EIF4G3: variants seen among roughly 807,000 people sequenced by gnomAD.
The protein encoded by EIF4G3 is eIF-4-gamma 3.
A neutral mutation model predicts 186.4 loss-of-function variants in EIF4G3; 34 were observed. That is an observed-to-expected ratio of 0.18 (90% CI 0.14 to 0.24). The LOEUF (loss-of-function observed/expected upper bound fraction) is 0.24, where lower values mean the gene tolerates loss of function less well. Among genes scored for constraint, EIF4G3 ranks in the 10% least tolerant of loss-of-function variants. The probability of loss-of-function intolerance (pLI) is 1.00; values close to 1 mark genes in which losing one functional copy is unlikely to be tolerated. For synonymous variants in EIF4G3, 673 were observed against 679.5 expected (o/e 0.99, Z 0.15); for missense variants, 1,536 against 1,948.5 (o/e 0.79, Z 3.99).
chr1:20,823,275 A>G (rs1470618496), intron 33 of EIF4G3, among the ~76,000 whole-genome samples: 1 of 152,168 alleles, frequency 6.6e-6, no homozygotes, highest in Non-Finnish European at 1.5e-5. Flanking sequence ...CTCCAATTAG[A>G]TAGGTTAGAT....
At chr1:20,877,888 G>T (rs191110873) in intron 20 of EIF4G3, among the ~76,000 whole-genome samples, 72 of 152,244 alleles carry the variant, frequency 4.7e-4, no homozygotes, top group Middle Eastern at 3.4e-3. Context: ...TTGTCGCCCA[G>T]GCTGGAGTGT....
chr1:20,945,251 G>A (rs2095886522), intron 13 of EIF4G3, among the ~76,000 whole-genome samples: 1 of 151,938 alleles, frequency 6.6e-6, no homozygotes, highest in South Asian at 2.1e-4. Context: ...TAATAATCAT[G>A]AAAGGGTTAG....
chr1:21,043,025 G>A (rs867355436), intron 4 of EIF4G3, among the ~76,000 whole-genome samples: 1 of 152,136 alleles, frequency 6.6e-6, no homozygotes, highest in African/African-American at 2.4e-5. Context: ...CCAAATCTGT[G>A]GGAAATAAAT....
At chr1:21,082,307 G>A (rs1417755756) in intron 3 of EIF4G3, among the ~76,000 whole-genome samples, 1 of 151,698 alleles carries the variant, frequency 6.6e-6, no homozygotes, top group Non-Finnish European at 1.5e-5. Flanking sequence ...TGAACTGAGG[G>A]TTAACTTTTA....
rs553630877 is a variant in EIF4G3, at chr1:20,809,065, A to T, written c.4745-1565T>A. 4.6e-5 allele frequency among the ~76,000 whole-genome samples: 7 copies of T among 151,876 alleles called. No homozygotes were observed. In the South Asian group the frequency reaches 6.2e-4, roughly 14 times the overall value. On this transcript the variant is annotated intron_variant, in intron 36 of 36. Transcript: ENST00000602326. ...CTCGGCTCATTGCAACCACCGCCTCATGGGTTCAAGTGATTCTCCTGCCTC... is the reference window on the plus strand; with the variant it reads ...CTCGGCTCATTGCAACCACCGCCTCTTGGGTTCAAGTGATTCTCCTGCCTC...
In EIF4G3 at chr1:20,941,591, A is replaced by G. The variant is rs755255230; in HGVS notation, c.1563T>C (p.Asp521=). 3.7e-6 allele frequency: 6 copies of G among 1,614,072 alleles called. No homozygotes were observed. The highest frequency in any genetic ancestry group is 3.3e-5 in the Admixed American group (2 of 60,006). ...DESIRTCLSE[D]AKEIQNKIEV... ...CTATTTTGTTCTGAATCTCTTTTGCATCTTCACTAAGGCAAGTTCTTATGC... is the reference window on the plus strand; with the variant it reads ...CTATTTTGTTCTGAATCTCTTTTGCGTCTTCACTAAGGCAAGTTCTTATGC... The change falls in exon 14 of 37, where the codon GAT becomes GAC. Residue 521 remains aspartate (D), a synonymous_variant. Coordinates refer to ENST00000602326, the MANE Select transcript of EIF4G3 (RefSeq NM_001391906.1).
At chr1:20,872,308 T>C (rs2079438016) in intron 20 of EIF4G3, among the ~76,000 whole-genome samples, 1 of 138,454 alleles carries the variant, frequency 7.2e-6, no homozygotes, top group Non-Finnish European at 1.6e-5. Flanking sequence ...TTTTTTTTTT[T>C]TGAGACAGGG....
intron 12 of EIF4G3, among the ~76,000 whole-genome samples, chr1:20,957,522 CAA>C (rs11366654): frequency 2.2e-3 from 255 of 117,782 alleles, no homozygotes; most frequent in African/African-American, 5.7e-3. Context: ...GACTCTGTCT[CAA>C]AAAAAAAAAA....
At chr1:21,056,060 C>A (rs781385024) in intron 3 of EIF4G3, among the ~76,000 whole-genome samples, 9 of 152,142 alleles carry the variant, frequency 5.9e-5, no homozygotes, top group South Asian at 4.1e-4. Flanking sequence ...GCCTAAAGTG[C>A]TGTTCTTTCT....
At chr1:21,174,598 C>T (rs548206925) in intron 2 of EIF4G3, 1 of 152,290 alleles carries the variant, frequency 6.6e-6, no homozygotes, top group South Asian at 2.1e-4. Context: ...GGAATTTAAA[C>T]TCACAAAGTA....
chr1:21,025,133 C>G (rs1317915006), intron 4 of EIF4G3, among the ~76,000 whole-genome samples: 1 of 151,996 alleles, frequency 6.6e-6, no homozygotes, highest in South Asian at 2.1e-4. Flanking sequence ...AACTAGGGCA[C>G]GTCTGCTGAA....
At chr1:20,962,322 A>G (rs2096586549) in intron 12 of EIF4G3, among the ~76,000 whole-genome samples, 1 of 152,174 alleles carries the variant, frequency 6.6e-6, no homozygotes, top group South Asian at 2.1e-4. Context: ...TATATTATAT[A>G]CTATATTCTT....
chr1:20,900,077 G>A, intron 15 of EIF4G3, 134 bp from the exon 16 acceptor site: 1 of 932,074 alleles, frequency 1.1e-6, no homozygotes, highest in Admixed American at 2.6e-5. Context: ...TTCAGCATGT[G>A]GTATTAGAAT....
At chr1:21,153,880 A>G (rs1376821040) in intron 2 of EIF4G3, among the ~76,000 whole-genome samples, 2 of 151,940 alleles carry the variant, frequency 1.3e-5, no homozygotes, top group South Asian at 2.1e-4. Flanking sequence ...GCATTTCATT[A>G]TACTTCAAAC....
intron 33 of EIF4G3, among the ~76,000 whole-genome samples, chr1:20,823,921 G>A (rs748285798): frequency 6.6e-6 from 1 of 152,184 alleles, no homozygotes; most frequent in Non-Finnish European, 1.5e-5. Context: ...TAGAAAATAA[G>A]GGGACCTAAG....
rs1317289694 is a variant in EIF4G3 at position 20,886,315 on chromosome 1, C to T, written c.2310G>A (p.Lys770=). The change falls in exon 19 of 37, where the codon AAG becomes AAA. Residue 770 remains lysine (K), a synonymous_variant. Transcript: ENST00000602326. The part of the protein sequence containing the change: ...SQPGQRREPR[K]IITVSVKEDV... The stretch of plus-strand genomic sequence containing the variant: ...CTTCTTTTACAGAAACTGTGATGAT[C>T]TTTCTGGGTTCTCTTCTTTGGCCAG... 2 of 1,614,022 alleles carry T rather than the reference C, an allele frequency of 1.2e-6. No homozygotes were observed. Among genetic ancestry groups the T allele is most frequent in the Admixed American group, 1.7e-5 (1 of 60,020 alleles).
intron 18 of EIF4G3, 81 bp downstream of exon 18, chr1:20,893,436 C>T: frequency 7.1e-7 from 1 of 1,403,300 alleles, no homozygotes; most frequent in Non-Finnish European, 9.6e-7. Flanking sequence ...CGAATAAAAG[C>T]TGCTGTCTTG....
In EIF4G3 at chr1:21,168,391, G is replaced by A. The variant is rs149880605; in HGVS notation, c.-272+7784C>T. On this transcript the variant is annotated intron_variant, in intron 2 of 36. Transcript: ENST00000602326. ...TGCACTCCAGCCTGGGTGACAGAGC[G>A]AGGCTCCGTCTCAATTTTTTAAAAA... 3.7e-3 allele frequency among the ~76,000 whole-genome samples: 558 copies of A among 151,898 alleles called. 4 individuals carry two copies. The highest frequency in any genetic ancestry group is 0.013 in the African/African-American group (518 of 41,350).
intron 27 of EIF4G3, 132 bp from the exon 28 acceptor site, chr1:20,851,610 C>T (rs1167355498): frequency 3.4e-5 from 25 of 737,410 alleles, no homozygotes; most frequent in African/African-American, 5.3e-5. Flanking sequence ...ATGTGTGAGG[C>T]ACCAATTATA....
Sources: gnomAD v4.1 joint callset for allele counts (sites outside exome capture counted in the v4.1 genomes callset) on GRCh38, gnomAD v4.1.1 for gene constraint, MANE v1.5 for transcripts, NCBI Gene and HGNC (gene_info 2026-07-23, HGNC 2026-07-21) for gene names.